Variants in TPH2 observed in about 807,000 individuals in gnomAD.
TPH2 encodes the protein tryptophan hydroxylase 2, also known as tryptophan 5-hydroxylase 2.
In TPH2, 27 loss-of-function variants were observed where a neutral mutation model predicts 59.1. The observed-to-expected ratio is 0.46, with a 90% CI of 0.34 to 0.63. The LOEUF (loss-of-function observed/expected upper bound fraction) is 0.63. TPH2 is among the 30% of genes least tolerant of loss of function. The probability of loss-of-function intolerance (pLI) is 0.01; values close to 1 mark genes in which losing one functional copy is unlikely to be tolerated. For synonymous variants in TPH2, 220 were observed against 210.5 expected (o/e 1.05, Z -0.39); for missense variants, 523 against 588.3 (o/e 0.89, Z 1.15).
intron 8 of TPH2, among the ~76,000 whole-genome samples, chr12:72,011,393 G>T (rs1873095296): frequency 6.6e-6 from 1 of 152,132 alleles, no homozygotes; most frequent in Non-Finnish European, 1.5e-5. Context: ...AAATAGAATT[G>T]GATGGATGGA....
At chr12:72,011,770 C>T (rs1873104912) in intron 8 of TPH2, among the ~76,000 whole-genome samples, 1 of 152,156 alleles carries the variant, frequency 6.6e-6, no homozygotes, top group Non-Finnish European at 1.5e-5. Flanking sequence ...TCTATAGGAG[C>T]TACCTGCCAA....
At chr12:71,940,132 T>C (rs1871016326) in intron 1 of TPH2, among the ~76,000 whole-genome samples, 1 of 152,196 alleles carries the variant, frequency 6.6e-6, no homozygotes, top group South Asian at 2.1e-4. Flanking sequence ...ATGAAGAGTT[T>C]TGAAGTCATA....
At chr12:71,950,369 T>G (rs1049122589) in intron 5 of TPH2, among the ~76,000 whole-genome samples, 1 of 152,028 alleles carries the variant, frequency 6.6e-6, no homozygotes, top group African/African-American at 2.4e-5. Context: ...GGGGCCATTT[T>G]ATAGGATTTG....
At chr12:71,965,787 T>G (rs890718613) in intron 5 of TPH2, among the ~76,000 whole-genome samples, 2 of 152,254 alleles carry the variant, frequency 1.3e-5, no homozygotes, top group Non-Finnish European at 2.9e-5. Context: ...TGGTAGTTCC[T>G]TTTGCTGCGC....
chr12:71,953,470 T>G (rs957542383), intron 5 of TPH2, among the ~76,000 whole-genome samples: 8 of 152,128 alleles, frequency 5.3e-5, no homozygotes, highest in Non-Finnish European at 2.9e-5. Flanking sequence ...AAATGGGCCT[T>G]GTCCATTTTC....
intron 5 of TPH2, among the ~76,000 whole-genome samples, chr12:71,960,048 A>T (rs1334309162): frequency 2.0e-5 from 3 of 152,338 alleles, no homozygotes; most frequent in Middle Eastern, 3.4e-3. Context: ...AAACTGAGAT[A>T]TATGTGGCTG....
chr12:71,949,490 T>G, intron 4 of TPH2, 98 bp from the exon 5 acceptor site: 2 of 973,308 alleles, frequency 2.1e-6, no homozygotes, highest in Non-Finnish European at 3.3e-6. Context: ...GATTTACATA[T>G]GAATTGAACA....
intron 5 of TPH2, among the ~76,000 whole-genome samples, chr12:71,971,610 C>T (rs551700969): frequency 1.3e-5 from 2 of 152,242 alleles, no homozygotes; most frequent in East Asian, 1.9e-4. Flanking sequence ...TTCTTTTTGT[C>T]GGAACCTGCA....
chr12:72,008,644 A>G (rs1873018496), intron 8 of TPH2, among the ~76,000 whole-genome samples: 1 of 152,154 alleles, frequency 6.6e-6, no homozygotes, highest in Admixed American at 6.5e-5. Context: ...TCCCCATTTT[A>G]TAGGTGAATA....
intron 5 of TPH2, chr12:71,962,061 G>A: frequency 9.9e-7 from 1 of 1,006,590 alleles, no homozygotes; most frequent in Non-Finnish European, 1.2e-6. Flanking sequence ...TACCTGACTG[G>A]CCTAGGGGAC....
intron 8 of TPH2, among the ~76,000 whole-genome samples, chr12:72,009,915 G>T (rs1481403421): frequency 6.6e-6 from 1 of 152,174 alleles, no homozygotes; most frequent in East Asian, 1.9e-4. Flanking sequence ...AGTCTTTGGG[G>T]GTTAGGCACA....
At chr12:71,979,791 G>A (rs901965900) in intron 7 of TPH2, among the ~76,000 whole-genome samples, 7 of 152,340 alleles carry the variant, frequency 4.6e-5, no homozygotes, top group South Asian at 2.1e-4. Context: ...TCACACGTGG[G>A]ATTGTACAGT....
intron 4 of TPH2, among the ~76,000 whole-genome samples, chr12:71,946,288 C>G (rs149754342): frequency 2.6e-3 from 395 of 152,272 alleles, no homozygotes; most frequent in African/African-American, 8.5e-3. Flanking sequence ...TGCCTGGACA[C>G]TAAAGGATTT....
chr12:71,947,823 C>T (rs1032499950), intron 4 of TPH2, among the ~76,000 whole-genome samples: 5 of 152,072 alleles, frequency 3.3e-5, no homozygotes, highest in African/African-American at 4.8e-5. Context: ...CGCTCTCTTG[C>T]GTCCTTGGAA....
intron 5 of TPH2, among the ~76,000 whole-genome samples, chr12:71,967,090 C>T (rs1292461214): frequency 6.6e-6 from 1 of 152,184 alleles, no homozygotes; most frequent in Non-Finnish European, 1.5e-5. Flanking sequence ...ATTTCAGTCT[C>T]AGTGGGGTAT....
At chr12:71,998,570 A>G (rs1269000142) in intron 8 of TPH2, among the ~76,000 whole-genome samples, 1 of 152,178 alleles carries the variant, frequency 6.6e-6, no homozygotes, top group African/African-American at 2.4e-5. Flanking sequence ...CCTGTTGGAT[A>G]CCATGCATGT....
At chr12:72,004,588 C>A (rs1264221925) in intron 8 of TPH2, among the ~76,000 whole-genome samples, 1 of 152,126 alleles carries the variant, frequency 6.6e-6, no homozygotes, top group Non-Finnish European at 1.5e-5. Context: ...CAGAAGATTT[C>A]TGCAGTCATT....
intron 6 of TPH2, among the ~76,000 whole-genome samples, chr12:71,978,228 A>G (rs1225552327): frequency 1.3e-5 from 2 of 151,578 alleles, no homozygotes; most frequent in Non-Finnish European, 2.9e-5. Flanking sequence ...AAAAAAAAAA[A>G]GAATAGTCCT....
Position 71,992,361 on chromosome 12 carries a change from C to T in TPH2, c.942-2078C>T, listed in dbSNP as rs536295938. ...CTTTGGGAGGCCGAGGTGGGCGGAT[C>T]GCTTGAGGTCAGAAGTTCAAGACTA... On this transcript the variant is annotated intron_variant, in intron 7 of 10. Coordinates refer to ENST00000333850, the MANE Select transcript of TPH2 (RefSeq NM_173353.4). Among the ~76,000 whole-genome samples the T allele has an allele frequency of 3.3e-5, 5 of 152,226 alleles. No individual in the cohort carries two copies. In the South Asian group the frequency reaches 8.3e-4, roughly 25 times the overall value.
Sources: allele counts gnomAD v4.1 joint callset (sites outside exome capture counted in the v4.1 genomes callset), GRCh38; gene constraint gnomAD v4.1.1; transcripts MANE v1.5; gene names NCBI Gene and HGNC (gene_info 2026-07-23, HGNC 2026-07-21).